Variants in TP63 observed in about 807,000 individuals in gnomAD.
The protein encoded by TP63 is tumor protein 63.
A neutral mutation model predicts 82.8 loss-of-function variants in TP63; 17 were observed. That is an observed-to-expected ratio of 0.21 (90% CI 0.14 to 0.31). The LOEUF (loss-of-function observed/expected upper bound fraction) is 0.31, where lower values mean the gene tolerates loss of function less well. TP63 is among the 10% of genes least tolerant of loss of function. The pLI, the probability that TP63 is intolerant of heterozygous loss-of-function variation, is 1.00. For missense variants in TP63, 648 were observed against 895.3 expected (o/e 0.72, Z 3.52); for synonymous variants, 330 against 321.7 (o/e 1.03, Z -0.28).
chr3:189,837,368 T>C (rs563848689), intron 4 of TP63, among the ~76,000 whole-genome samples: 3 of 149,926 alleles, frequency 2.0e-5, no homozygotes, highest in East Asian at 4.0e-4. Flanking sequence ...ATTGGCAAAA[T>C]GTTAGTTAAC....
chr3:189,623,603 C>T, the TP63 span, among the ~76,000 whole-genome samples: 1 of 152,118 alleles, frequency 6.6e-6, no homozygotes, highest in Non-Finnish European at 1.5e-5. Flanking sequence ...TTACCAATGG[C>T]CCCTAGCACA....
At chr3:189,602,420 A>AT in the TP63 span, among the ~76,000 whole-genome samples, 2 of 152,124 alleles carry the variant, frequency 1.3e-5, no homozygotes. Flanking sequence ...TGGTCTTCTC[A>AT]TATGTGTTGA....
intron 3 of TP63, among the ~76,000 whole-genome samples, chr3:189,756,879 G>A (rs1041052046): frequency 6.6e-6 from 1 of 152,058 alleles, no homozygotes; most frequent in African/African-American, 2.4e-5. Context: ...AGTTGAAGAG[G>A]GCAGATAAAC....
At chr3:189,875,616 A>ACATATATATATATATATATACG (rs1283186870) in intron 10 of TP63, among the ~76,000 whole-genome samples, 2 of 108,726 alleles carry the variant, frequency 1.8e-5, no homozygotes, top group African/African-American at 8.9e-5. Flanking sequence ...ATATATATAT[A>ACATATATATATATATATATACG]TATATATATA....
At chr3:189,638,997 A>C (rs536352123) in intron 1 of TP63, among the ~76,000 whole-genome samples, 1 of 152,186 alleles carries the variant, frequency 6.6e-6, no homozygotes, top group Non-Finnish European at 1.5e-5. Context: ...AAGACTTCAC[A>C]TTCTCACTTT....
At chr3:189,628,840 C>G (rs1006446009), upstream of TP63, among the ~76,000 whole-genome samples, 3 of 152,094 alleles carry the variant, frequency 2.0e-5, no homozygotes, top group African/African-American at 7.2e-5. Context: ...TGGTTGCATG[C>G]TACTGGTGTT....
chr3:189,798,814 C>T (rs976305514), intron 3 of TP63, among the ~76,000 whole-genome samples: 5 of 152,026 alleles, frequency 3.3e-5, no homozygotes, highest in East Asian at 1.9e-4. Context: ...ATGAATAAGA[C>T]GAGTGTCTTT....
intron 5 of TP63, among the ~76,000 whole-genome samples, chr3:189,865,903 T>G (rs1381859814): frequency 6.6e-6 from 1 of 152,250 alleles, no homozygotes; most frequent in African/African-American, 2.4e-5. Flanking sequence ...TTTTTAGTTT[T>G]AACCATAATA....
intron 3 of TP63, among the ~76,000 whole-genome samples, chr3:189,767,160 A>C (rs1723015495): frequency 6.6e-6 from 1 of 152,186 alleles, no homozygotes; most frequent in Admixed American, 6.5e-5. Flanking sequence ...TAATGGTTGT[A>C]GAGTATATAC....
chr3:189,698,429 A>T (rs969046477), intron 1 of TP63, among the ~76,000 whole-genome samples: 1 of 152,070 alleles, frequency 6.6e-6, no homozygotes, highest in Non-Finnish European at 1.5e-5. Flanking sequence ...TCTCAATTAG[A>T]GGTGGCAATC....
intron 13 of TP63, among the ~76,000 whole-genome samples, chr3:189,893,832 G>A (rs1721254791): frequency 6.6e-6 from 1 of 152,082 alleles, no homozygotes; most frequent in East Asian, 1.9e-4. Flanking sequence ...ACCAAGTGGT[G>A]GTGACATTCC....
chr3:189,894,472 G>A lies in TP63; in HGVS notation c.2013G>A (p.Lys671=). 6.2e-7 allele frequency: 1 copy of A among 1,613,888 alleles called. No individual in the cohort carries two copies. The highest frequency in any genetic ancestry group is 2.2e-5 in the East Asian group (1 of 44,850). Residue 671 remains lysine (K), a synonymous_variant, in exon 14 of 14, where the codon AAG becomes AAA. Coordinates refer to ENST00000264731, the MANE Select transcript of TP63 (RefSeq NM_003722.5). ...FNFDMDARRN[K]QQRIKEEGE ...TTGACATGGATGCTCGCCGCAATAA[G>A]CAACAGCGCATCAAAGAGGAGGGGG... is the stretch of plus-strand genomic sequence containing the variant.
chr3:189,895,058 C>A lies in TP63; in HGVS notation c.*556C>A, dbSNP rs1721369778. ...TGTGAGTGACGATGATGTACAGATTCTTTCAGTTCTTTGGATTCTAAATAC... is the reference window on the plus strand; with the variant it reads ...TGTGAGTGACGATGATGTACAGATTATTTCAGTTCTTTGGATTCTAAATAC... On this transcript the variant is annotated 3_prime_UTR_variant, in exon 14 of 14. Transcript: ENST00000264731. 4.5e-6 allele frequency: 1 copy of A among 220,444 alleles called. No homozygotes were observed. The highest frequency in any genetic ancestry group is 9.1e-6 in the Non-Finnish European group (1 of 110,018). 13.7% of individuals were successfully genotyped at this position (220,444 alleles called of 1,614,324 possible). A position where few individuals can be genotyped will look rare whatever the true frequency, so the allele number is the denominator to read the frequency against.
At position 189,631,461 on chromosome 3, in the gene TP63, T is replaced by C. The variant is rs749294658; in HGVS notation, c.-55T>C. On this transcript the variant is annotated 5_prime_UTR_variant, in exon 1 of 14. Coordinates refer to ENST00000264731, the MANE Select transcript of TP63 (RefSeq NM_003722.5). ...ATATCTATATATACACAGGTATATGTGTATATTTTATATAATTGTTCTCCG... is the reference window on the plus strand; with the variant it reads ...ATATCTATATATACACAGGTATATGCGTATATTTTATATAATTGTTCTCCG... 2.8e-5 allele frequency: 45 copies of C among 1,610,314 alleles called. No individual in the cohort carries two copies. The highest frequency in any genetic ancestry group is 3.8e-5 in the Non-Finnish European group (45 of 1,177,774).
At chr3:189,642,427 C>T (rs1351578359) in intron 1 of TP63, among the ~76,000 whole-genome samples, 1 of 152,144 alleles carries the variant, frequency 6.6e-6, no homozygotes, top group Non-Finnish European at 1.5e-5. Context: ...AGTATTATTT[C>T]TTTCTAACCA....
intron 4 of TP63, among the ~76,000 whole-genome samples, chr3:189,828,809 G>T (rs766101266): frequency 5.9e-5 from 9 of 152,050 alleles, no homozygotes; most frequent in Admixed American, 3.3e-4. Context: ...TTCTTAACGT[G>T]GTATGGAAGT....
chr3:189,814,493 A>C (rs1280933683), intron 4 of TP63, among the ~76,000 whole-genome samples: 1 of 152,192 alleles, frequency 6.6e-6, no homozygotes, highest in Non-Finnish European at 1.5e-5. Context: ...ACTTCTTGCC[A>C]TAGCTGTTTC....
At chr3:189,716,267 A>G (rs1227972569) in intron 1 of TP63, among the ~76,000 whole-genome samples, 1 of 152,220 alleles carries the variant, frequency 6.6e-6, no homozygotes, top group Non-Finnish European at 1.5e-5. Context: ...ATTTTATAAA[A>G]TATATTTTTA....
intron 1 of TP63, among the ~76,000 whole-genome samples, chr3:189,638,856 T>A (rs1711558050): frequency 6.6e-6 from 1 of 152,140 alleles, no homozygotes; most frequent in Non-Finnish European, 1.5e-5. Flanking sequence ...CTCCAGATGA[T>A]TCGTTGGTTT....
Sources: allele counts gnomAD v4.1 joint callset (sites outside exome capture counted in the v4.1 genomes callset), GRCh38; gene constraint gnomAD v4.1.1; transcripts MANE v1.5; gene names NCBI Gene and HGNC (gene_info 2026-07-23, HGNC 2026-07-21).